FLRT1: variants seen among roughly 807,000 people sequenced by gnomAD.
FLRT1 encodes fibronectin leucine rich transmembrane protein 1.
A neutral mutation model predicts 30.9 loss-of-function variants in FLRT1; 14 were observed. That is an observed-to-expected ratio of 0.45 (90% CI 0.30 to 0.71). The LOEUF is 0.71. Ranked by LOEUF, FLRT1 falls within the 30% of genes least tolerant of loss-of-function variation. The probability of loss-of-function intolerance (pLI) is 0.08; values close to 1 mark genes in which losing one functional copy is unlikely to be tolerated. For missense variants in FLRT1, 737 were observed against 949.2 expected (o/e 0.78, Z 2.94); for synonymous variants, 368 against 430.4 (o/e 0.85, Z 1.80).
rs1027197879 is a variant in FLRT1 at position 64,036,989 on chromosome 11, G to A, written c.-1038+830G>A. On this transcript the variant is annotated intron_variant, in intron 1 of 2. Transcript: ENST00000682287. This position sits in a 1 kb window ranked among gnomAD's most constrained non-coding sequence, Gnocchi z 5.6. ...AGAAAGTTGTGGAACAGGGACACCA[G>A]GGAGCTGCCACAGCCTTCCCGGTGG... Among the ~76,000 whole-genome samples the A allele has an allele frequency of 6.6e-6, 1 of 152,240 alleles. No individual in the cohort carries two copies. Among genetic ancestry groups the A allele is most frequent in the African/African-American group, 2.4e-5 (1 of 41,476 alleles).
intron 1 of FLRT1, among the ~76,000 whole-genome samples, chr11:64,102,355 T>A (rs935991221): frequency 3.4e-5 from 5 of 147,590 alleles, no homozygotes; most frequent in Non-Finnish European, 7.6e-5. Flanking sequence ...CTGCGGGTGT[T>A]GAGGACTGAC....
At chr11:64,087,698 T>C (rs1172432960) in intron 1 of FLRT1, among the ~76,000 whole-genome samples, 1 of 152,224 alleles carries the variant, frequency 6.6e-6, no homozygotes, top group Non-Finnish European at 1.5e-5. Flanking sequence ...GATCTCATGA[T>C]GCTGCATGCT....
intron 1 of FLRT1, among the ~76,000 whole-genome samples, chr11:64,099,160 A>C (rs2134550683): frequency 6.6e-6 from 1 of 152,342 alleles, no homozygotes; most frequent in South Asian, 2.1e-4. Flanking sequence ...TGACTGTCAT[A>C]ACATGAGAGT....
chr11:64,065,404 A>G (rs1292337112), intron 1 of FLRT1, among the ~76,000 whole-genome samples: 2 of 152,098 alleles, frequency 1.3e-5, no homozygotes, highest in Non-Finnish European at 2.9e-5. Context: ...CGAAGAGTTC[A>G]CCCACTACCT....
rs927682891 is a variant in FLRT1 at position 64,096,412 on chromosome 11, T to A, written c.-1037-6782T>A. Among the ~76,000 whole-genome samples the A allele has an allele frequency of 2.7e-5, 4 of 148,948 alleles. No individual in the cohort carries two copies. Among genetic ancestry groups the A allele is most frequent in the Admixed American group, 2.7e-4 (4 of 14,950 alleles). On this transcript the variant is annotated intron_variant, in intron 1 of 2. Transcript: ENST00000682287. The surrounding 1 kb of genome is among the most constrained non-coding windows in gnomAD (Gnocchi z 4.6). ...GCTGGCAGGCAAGTGGTCGTTCCTG[T>A]CCCCTCTTTTTTTTTTTTGAGACTG...
chr11:64,071,451 A>AGGGCTG (rs556506312), intron 1 of FLRT1, among the ~76,000 whole-genome samples: 14 of 152,282 alleles, frequency 9.2e-5, no homozygotes, highest in African/African-American at 3.1e-4. Context: ...TGGTATGGCC[A>AGGGCTG]GGGCTGGGGC....
intron 2 of FLRT1, among the ~76,000 whole-genome samples, chr11:64,108,087 G>A (rs754544633): frequency 6.6e-6 from 1 of 152,118 alleles, no homozygotes; most frequent in Non-Finnish European, 1.5e-5. Flanking sequence ...GCCGAGGCGG[G>A]CAGATCACCT....
At chr11:64,115,133 C>T (rs1174143550) in intron 2 of FLRT1, among the ~76,000 whole-genome samples, 3 of 152,140 alleles carry the variant, frequency 2.0e-5, no homozygotes, top group African/African-American at 7.2e-5. Context: ...CTCCGTGAAC[C>T]CAGTGTTTTA....
chr11:64,042,815 A>AC lies in FLRT1; in HGVS notation c.-1038+6661dup, dbSNP rs563965644. Reference sequence around the variant, plus strand: ...CAGCACCATGGCTCTGAGCCCTGAGACCCCCACCAGGCTTGGGCTAGCCAG... The same window carrying AC: ...CAGCACCATGGCTCTGAGCCCTGAGACCCCCCACCAGGCTTGGGCTAGCCAG... On this transcript the variant is annotated intron_variant, in intron 1 of 2. Transcript: ENST00000682287. Among the ~76,000 whole-genome samples, 32 of 151,816 alleles carry AC rather than the reference A, an allele frequency of 2.1e-4. No homozygotes were observed. The East Asian group carries it at 4.1e-3, about 19-fold the overall frequency.
intron 1 of FLRT1, among the ~76,000 whole-genome samples, chr11:64,049,028 AGT>A (rs776411963): frequency 3.3e-4 from 39 of 118,536 alleles, no homozygotes; most frequent in Middle Eastern, 4.0e-3. Flanking sequence ...TCCTGCCCTG[AGT>A]GTGGGTGATA....
rs76139470 is a variant in FLRT1, at chr11:64,053,019, C to T, written c.-1038+16860C>T. On this transcript the variant is annotated intron_variant, in intron 1 of 2. Coordinates refer to ENST00000682287, the MANE Select transcript of FLRT1 (RefSeq NM_013280.5). ...TAATTACATTCGGTTGCTTACACCC[C>T]GGGCTCTCAACTGCAGCCAAACAGT... Among the ~76,000 whole-genome samples, 1,415 of 152,340 alleles carry T rather than the reference C, an allele frequency of 9.3e-3. 20 individuals carry two copies. The highest frequency in any genetic ancestry group is 0.031 in the African/African-American group (1,307 of 41,580).
intron 1 of FLRT1, among the ~76,000 whole-genome samples, chr11:64,043,151 G>A (rs1418264556): frequency 6.6e-6 from 1 of 152,154 alleles, no homozygotes; most frequent in Non-Finnish European, 1.5e-5. Context: ...CATACGTGCT[G>A]ACATCCCAGG....
intron 1 of FLRT1, among the ~76,000 whole-genome samples, chr11:64,070,570 A>C (rs1246485712): frequency 1.3e-5 from 2 of 152,208 alleles, no homozygotes; most frequent in Non-Finnish European, 2.9e-5. Context: ...GGTGGGATCC[A>C]GCCTCACCCT....
intron 1 of FLRT1, among the ~76,000 whole-genome samples, chr11:64,084,851 C>T (rs1425735189): frequency 1.3e-5 from 2 of 152,182 alleles, no homozygotes; most frequent in Non-Finnish European, 2.9e-5. Flanking sequence ...CCGGGAGGGG[C>T]GCAAGACCAC....
chr11:64,076,378 G>A (rs184337558), intron 1 of FLRT1, among the ~76,000 whole-genome samples: 30 of 152,292 alleles, frequency 2.0e-4, no homozygotes, highest in East Asian at 5.8e-4. Flanking sequence ...CCTGGAGACC[G>A]TGATTGTCTC....
chr11:64,118,947 T>C lies in FLRT1; in HGVS notation c.*655T>C, dbSNP rs1189378556. On this transcript the variant is annotated 3_prime_UTR_variant, in exon 3 of 3. Coordinates refer to ENST00000682287, the MANE Select transcript of FLRT1 (RefSeq NM_013280.5). Reference sequence around the variant, plus strand: ...TCGATTAAAAAAAAAAAACAAACTTTTTTTTCCTAGGCTGAAGCCCTCTTC... The same window carrying C: ...TCGATTAAAAAAAAAAAACAAACTTCTTTTTCCTAGGCTGAAGCCCTCTTC... The C allele has an allele frequency of 6.0e-6, 1 of 167,082 alleles. No individual in the cohort carries two copies. The highest frequency in any genetic ancestry group is 1.5e-5 in the Non-Finnish European group (1 of 68,070). The allele number at this position is 167,082 out of a possible 1,614,324, so 10.3% of individuals were successfully genotyped here.
At position 64,090,241 on chromosome 11, in the gene FLRT1, G is replaced by C. The variant is rs917427359; in HGVS notation, c.-1037-12953G>C. On this transcript the variant is annotated intron_variant, in intron 1 of 2. Transcript: ENST00000682287. The surrounding 1 kb of genome is among the most constrained non-coding windows in gnomAD (Gnocchi z 4.7). ...TGTGGGAAAGGCCAACGGGCGTGTG[G>C]GTCTCCAGCCTTTGCTCATCCTCGG... 6.6e-6 allele frequency among the ~76,000 whole-genome samples: 1 copy of C among 152,148 alleles called. No homozygotes were observed. Among genetic ancestry groups the C allele is most frequent in the Non-Finnish European group, 1.5e-5 (1 of 68,026 alleles).
chr11:64,098,391 GA>G (rs1944615248), intron 1 of FLRT1, among the ~76,000 whole-genome samples: 1 of 152,202 alleles, frequency 6.6e-6, no homozygotes, highest in Non-Finnish European at 1.5e-5. Flanking sequence ...CCCTCAGCCT[GA>G]AATGTTCTTC....
At chr11:64,113,253 C>T (rs693984) in intron 2 of FLRT1, among the ~76,000 whole-genome samples, 81,044 of 152,132 alleles carry the variant, frequency 0.53, 24,674 homozygotes, top group Non-Finnish European at 0.68. Flanking sequence ...CTCAGCAAAG[C>T]CTTTATTATA....
Sources: allele counts gnomAD v4.1 joint callset (sites outside exome capture counted in the v4.1 genomes callset), GRCh38; gene constraint gnomAD v4.1.1; non-coding constraint Gnocchi (gnomAD v3.1); transcripts MANE v1.5; gene names NCBI Gene and HGNC (gene_info 2026-07-23, HGNC 2026-07-21).